Variants in ZFYVE9 observed in about 807,000 individuals in gnomAD.
ZFYVE9 encodes the protein zinc finger FYVE-type containing 9.
Under a neutral mutation model 126.7 loss-of-function variants are expected in ZFYVE9, and 43 were observed. That is an observed-to-expected ratio of 0.34 (90% confidence interval 0.27 to 0.44). The LOEUF (loss-of-function observed/expected upper bound fraction) is 0.44. Ranked by LOEUF, ZFYVE9 falls within the 20% of genes least tolerant of loss-of-function variation. ZFYVE9 has a pLI of 1.00. For missense variants in ZFYVE9, 1,476 were observed against 1,697.0 expected (o/e 0.87, Z 2.29); for synonymous variants, 521 against 597.4 (o/e 0.87, Z 1.87).
intron 13 of ZFYVE9, among the ~76,000 whole-genome samples, chr1:52,331,707 G>A (rs1414785641): frequency 6.7e-6 from 1 of 149,850 alleles, no homozygotes; most frequent in Admixed American, 6.6e-5. Context: ...AGCCAAGATC[G>A]AGCCACTGCA....
At chr1:52,182,111 C>T (rs1030484517) in intron 1 of ZFYVE9, among the ~76,000 whole-genome samples, 40 of 151,476 alleles carry the variant, frequency 2.6e-4, no homozygotes, top group Admixed American at 1.1e-3. Flanking sequence ...GTCAGCCCCC[C>T]GTCCAGGAGA....
chr1:52,241,522 C>T (rs551781244), intron 4 of ZFYVE9, among the ~76,000 whole-genome samples: 1 of 152,018 alleles, frequency 6.6e-6, no homozygotes, highest in Non-Finnish European at 1.5e-5. Flanking sequence ...TTGGTATAGG[C>T]CAGCACATCC....
intron 1 of ZFYVE9, among the ~76,000 whole-genome samples, chr1:52,185,063 T>G (rs1216959783): frequency 6.6e-6 from 1 of 152,220 alleles, no homozygotes; most frequent in Non-Finnish European, 1.5e-5. Flanking sequence ...TTTTGTTTGT[T>G]TGCTTGGGAG....
intron 1 of ZFYVE9, among the ~76,000 whole-genome samples, chr1:52,192,372 T>C (rs887744021): frequency 2.6e-5 from 4 of 152,046 alleles, no homozygotes; most frequent in Admixed American, 2.0e-4. Context: ...TCATCCGGAG[T>C]CTATTATGTA....
At chr1:52,184,326 G>A (rs1421914307) in intron 1 of ZFYVE9, among the ~76,000 whole-genome samples, 1 of 148,284 alleles carries the variant, frequency 6.7e-6, no homozygotes, top group Admixed American at 6.7e-5. Flanking sequence ...CTGGGTTCAA[G>A]TGATTCTTCT....
chr1:52,214,820 A>C (rs2124592419), intron 1 of ZFYVE9, among the ~76,000 whole-genome samples: 1 of 152,296 alleles, frequency 6.6e-6, no homozygotes, highest in African/African-American at 2.4e-5. Context: ...TGTAAGTCCC[A>C]TTCTGAGGGC....
intron 17 of ZFYVE9, 121 bp downstream of exon 17, chr1:52,340,352 C>A: frequency 1.4e-6 from 1 of 692,430 alleles, no homozygotes; most frequent in Non-Finnish European, 2.5e-6. Flanking sequence ...AAAAATCTTT[C>A]TCGTTTATAC....
At position 52,266,844 on chromosome 1, in the gene ZFYVE9, G is replaced by A. The variant is rs200438306; in HGVS notation, c.2455+13G>A. The A allele has an allele frequency of 2.6e-6, 4 of 1,565,304 alleles. No individual in the cohort carries two copies. The highest frequency in any genetic ancestry group is 4.6e-5 in the East Asian group (2 of 43,152). ...CCTGGAGCAGAAGGTAGGGGATCATGTGCTATTCTCTCTCTTTTTCCTCAC... is the reference window on the plus strand; with the variant it reads ...CCTGGAGCAGAAGGTAGGGGATCATATGCTATTCTCTCTCTTTTTCCTCAC... On this transcript the variant is annotated intron_variant, in intron 6 of 18. Transcript: ENST00000287727.
intron 1 of ZFYVE9, among the ~76,000 whole-genome samples, chr1:52,157,512 C>T (rs1644414675): frequency 7.0e-6 from 1 of 142,756 alleles, no homozygotes; most frequent in African/African-American, 2.6e-5. Context: ...AGTGATTCTC[C>T]TGCCTCAGCC....
chr1:52,256,122 A>G (rs1015822948), intron 4 of ZFYVE9, among the ~76,000 whole-genome samples: 4 of 144,768 alleles, frequency 2.8e-5, no homozygotes, highest in Admixed American at 7.1e-5. Context: ...CTGGAGTGCA[A>G]TGGCGCGATC....
chr1:52,310,329 G>A (rs1646126148), intron 13 of ZFYVE9, among the ~76,000 whole-genome samples: 1 of 152,064 alleles, frequency 6.6e-6, no homozygotes. Flanking sequence ...TATGTACCAG[G>A]CACTATTCTA....
chr1:52,307,625 G>A (rs573935823), intron 13 of ZFYVE9, among the ~76,000 whole-genome samples: 1 of 152,062 alleles, frequency 6.6e-6, no homozygotes, highest in South Asian at 2.1e-4. Context: ...TGTTGCCTCC[G>A]TTTATGGTGT....
At chr1:52,328,894 A>G (rs373084999) in intron 13 of ZFYVE9, among the ~76,000 whole-genome samples, 1 of 152,214 alleles carries the variant, frequency 6.6e-6, no homozygotes, top group East Asian at 1.9e-4. Flanking sequence ...GTATTCAATT[A>G]TAGTTTGGAT....
intron 1 of ZFYVE9, among the ~76,000 whole-genome samples, chr1:52,184,902 C>A (rs1221921521): frequency 6.6e-6 from 1 of 152,076 alleles, no homozygotes; most frequent in Non-Finnish European, 1.5e-5. Flanking sequence ...TGCCTGTAAT[C>A]CCAGCACTTT....
rs1020865142 is a variant in ZFYVE9 at position 52,142,519 on chromosome 1, C to G, written c.-143+116C>G. 2 of 152,134 alleles carry G rather than the reference C, an allele frequency of 1.3e-5. No individual in the cohort carries two copies. Among genetic ancestry groups the G allele is most frequent in the Non-Finnish European group, 2.9e-5 (2 of 68,020 alleles). 9.4% of individuals were successfully genotyped at this position (152,134 alleles called of 1,614,324 possible). On this transcript the variant is annotated intron_variant, in intron 1 of 18. Transcript: ENST00000287727. This position sits in a 1 kb window ranked among gnomAD's most constrained non-coding sequence, Gnocchi z 4.5. ...GTCCTGCCACTGCGGTCGCCTCCCCCACCCTGCGGTCCTGGGGCCTCAGCC... is the reference window on the plus strand; with the variant it reads ...GTCCTGCCACTGCGGTCGCCTCCCCGACCCTGCGGTCCTGGGGCCTCAGCC...
In ZFYVE9 at chr1:52,266,642, G is replaced by A. The variant is rs1277361813; in HGVS notation, c.2279-13G>A. 6.3e-7 allele frequency: 1 copy of A among 1,576,362 alleles called. No homozygotes were observed. Among genetic ancestry groups the A allele is most frequent in the Non-Finnish European group, 8.6e-7 (1 of 1,162,994 alleles). ...CAATCCATTCACATTGATTGTGTCT[G>A]TATTTGCTTTAGCTCAAGCCTGGGA... On this transcript the variant is annotated splice_polypyrimidine_tract_variant and intron_variant, in intron 5 of 18. Transcript: ENST00000287727.
At chr1:52,255,286 TA>T (rs1231477519) in intron 4 of ZFYVE9, among the ~76,000 whole-genome samples, 1 of 152,056 alleles carries the variant, frequency 6.6e-6, no homozygotes, top group Non-Finnish European at 1.5e-5. Context: ...AACATATTTT[TA>T]AAAAGTAATT....
intron 4 of ZFYVE9, among the ~76,000 whole-genome samples, chr1:52,251,022 CGTTTTT>C (rs1332495898): frequency 2.1e-5 from 3 of 142,660 alleles, no homozygotes; most frequent in Admixed American, 6.9e-5. Flanking sequence ...AGTTTTCAGT[CGTTTTT>C]GTTGTTGTTG....
At chr1:52,209,349 A>G (rs1277109582) in intron 1 of ZFYVE9, among the ~76,000 whole-genome samples, 1 of 152,198 alleles carries the variant, frequency 6.6e-6, no homozygotes, top group East Asian at 1.9e-4. Context: ...TTTTTAAGAT[A>G]GAATTCATAT....
Sources: allele counts gnomAD v4.1 joint callset (sites outside exome capture counted in the v4.1 genomes callset), GRCh38; gene constraint gnomAD v4.1.1; non-coding constraint Gnocchi (gnomAD v3.1); transcripts MANE v1.5; gene names NCBI Gene and HGNC (gene_info 2026-07-23, HGNC 2026-07-21).